Variants in TMPRSS11D observed in about 807,000 individuals in gnomAD.
The protein encoded by TMPRSS11D is transmembrane serine protease 11D.
Under a neutral mutation model 44.4 loss-of-function variants are expected in TMPRSS11D, and 32 were observed. That is an observed-to-expected ratio of 0.72 (90% CI 0.54 to 0.97). The LOEUF (loss-of-function observed/expected upper bound fraction) is 0.97. Among genes scored for constraint, TMPRSS11D ranks in the 50% least tolerant of loss-of-function variants. The pLI is 0.00. For missense variants in TMPRSS11D, 446 were observed against 502.6 expected (o/e 0.89, Z 1.08); for synonymous variants, 179 against 177.9 (o/e 1.01, Z -0.05).
intron 5 of TMPRSS11D, among the ~76,000 whole-genome samples, chr4:67,835,682 T>C (rs1560538956): frequency 6.6e-6 from 1 of 152,090 alleles, no homozygotes; most frequent in Non-Finnish European, 1.5e-5. Flanking sequence ...AGTAATTAAA[T>C]TATATGGAGG....
At chr4:67,848,008 A>C (rs563864067) in intron 3 of TMPRSS11D, among the ~76,000 whole-genome samples, 27 of 152,322 alleles carry the variant, frequency 1.8e-4, no homozygotes, top group African/African-American at 4.8e-4. Context: ...AGTAACAATC[A>C]ATTCTTGTTA....
intron 7 of TMPRSS11D, among the ~76,000 whole-genome samples, chr4:67,829,658 G>A (rs1428960938): frequency 6.6e-6 from 1 of 151,948 alleles, no homozygotes; most frequent in Non-Finnish European, 1.5e-5. Context: ...TATTTTAAAA[G>A]TCTGTAAACC....
chr4:67,874,445 G>A (rs1353840201), intron 1 of TMPRSS11D, among the ~76,000 whole-genome samples: 1 of 152,078 alleles, frequency 6.6e-6, no homozygotes, highest in Non-Finnish European at 1.5e-5. Context: ...GTCCCAAAGT[G>A]GTGAGAAATT....
Position 67,842,549 on chromosome 4 carries a change from TC to T in TMPRSS11D, c.317+8del. 7 of 1,611,230 alleles carry T rather than the reference TC, an allele frequency of 4.3e-6. No homozygotes were observed. The highest frequency in any genetic ancestry group is 5.9e-6 in the Non-Finnish European group (7 of 1,178,722). ...TATACTTAAATATTTTTTCTACAGT[TC>T]CACTCACCTCAGTTTGGCAACATGA... On this transcript the variant is annotated splice_region_variant and intron_variant, in intron 4 of 9. Coordinates refer to ENST00000283916, the MANE Select transcript of TMPRSS11D (RefSeq NM_004262.3).
intron 1 of TMPRSS11D, among the ~76,000 whole-genome samples, chr4:67,881,188 T>C (rs1475317398): frequency 1.3e-5 from 2 of 152,192 alleles, no homozygotes; most frequent in African/African-American, 4.8e-5. Flanking sequence ...CAGCAGTAAA[T>C]ATTGAATGAA....
intron 4 of TMPRSS11D, among the ~76,000 whole-genome samples, chr4:67,839,820 CT>C (rs551422861): frequency 1.5e-3 from 219 of 146,748 alleles, no homozygotes; most frequent in East Asian, 4.4e-3. Context: ...CTCCCAGAAC[CT>C]TTTTTTTTTT....
At chr4:67,880,678 C>T (rs987924035) in intron 1 of TMPRSS11D, among the ~76,000 whole-genome samples, 31 of 151,922 alleles carry the variant, frequency 2.0e-4, no homozygotes, top group Admixed American at 6.6e-5. Context: ...GTCACCCCAG[C>T]TGGAGTGCAG....
chr4:67,860,495 C>T (rs1718769458), intron 1 of TMPRSS11D: 1 of 151,934 alleles, frequency 6.6e-6, no homozygotes, highest in African/African-American at 2.4e-5. Flanking sequence ...TTAAGTGGGT[C>T]ATGTTACGTG....
Position 67,836,118 on chromosome 4 carries a change from C to T in TMPRSS11D, c.476-997G>A, listed in dbSNP as rs575857615. On this transcript the variant is annotated intron_variant, in intron 5 of 9. Coordinates refer to ENST00000283916, the MANE Select transcript of TMPRSS11D (RefSeq NM_004262.3). ...TCCTCCTTTCACATCTTATAATCTCCAGGTTCTGCACATCTGTCCTCTATC... is the reference window on the plus strand; with the variant it reads ...TCCTCCTTTCACATCTTATAATCTCTAGGTTCTGCACATCTGTCCTCTATC... 2.6e-5 allele frequency among the ~76,000 whole-genome samples: 4 copies of T among 152,164 alleles called. No homozygotes were observed. The East Asian group carries it at 7.7e-4, about 29-fold the overall frequency.
chr4:67,863,188 A>G (rs1045211730), intron 1 of TMPRSS11D, among the ~76,000 whole-genome samples: 6 of 151,462 alleles, frequency 4.0e-5, no homozygotes, highest in Non-Finnish European at 8.8e-5. Context: ...TAATTAATAC[A>G]TGTAAAAACT....
intron 1 of TMPRSS11D, among the ~76,000 whole-genome samples, chr4:67,878,785 G>A (rs911102904): frequency 3.9e-5 from 6 of 152,022 alleles, no homozygotes; most frequent in African/African-American, 1.4e-4. Context: ...TTGGCTGGGC[G>A]TGGTGGCACG....
chr4:67,855,631 G>C (rs1464188998), intron 2 of TMPRSS11D, among the ~76,000 whole-genome samples: 2 of 152,078 alleles, frequency 1.3e-5, no homozygotes, highest in Admixed American at 1.3e-4. Context: ...CTAAGAACTG[G>C]AACAAGACAA....
intron 7 of TMPRSS11D, among the ~76,000 whole-genome samples, chr4:67,827,793 T>C (rs1164032533): frequency 6.6e-6 from 1 of 152,142 alleles, no homozygotes; most frequent in African/African-American, 2.4e-5. Flanking sequence ...TCTGATACTT[T>C]AATGATAAGT....
chr4:67,824,560 G>T (rs1032557813), intron 9 of TMPRSS11D, among the ~76,000 whole-genome samples: 3 of 152,026 alleles, frequency 2.0e-5, no homozygotes, highest in African/African-American at 7.2e-5. Flanking sequence ...ATAAAGGACT[G>T]GGTAATTAAC....
chr4:67,878,678 C>T (rs1355520529), intron 1 of TMPRSS11D, among the ~76,000 whole-genome samples: 3 of 152,144 alleles, frequency 2.0e-5, no homozygotes, highest in Non-Finnish European at 4.4e-5. Flanking sequence ...GTAATCCCAG[C>T]ACTTTGGGAG....
intron 1 of TMPRSS11D, among the ~76,000 whole-genome samples, chr4:67,868,095 A>AATAT (rs923681603): frequency 2.0e-5 from 3 of 150,900 alleles, no homozygotes; most frequent in African/African-American, 7.4e-5. Context: ...TAGATAGAGA[A>AATAT]ATATATATAT....
rs552038618 is a variant in TMPRSS11D, at chr4:67,832,313, A to G, written c.692+891T>C. Among the ~76,000 whole-genome samples the G allele has an allele frequency of 5.2e-4, 79 of 152,224 alleles. 1 individual carries two copies. The South Asian group carries it at 0.015, about 29-fold the overall frequency. On this transcript the variant is annotated intron_variant, in intron 7 of 9. Coordinates refer to ENST00000283916, the MANE Select transcript of TMPRSS11D (RefSeq NM_004262.3). ...CAAATCTCCATTATTTTTCTGGGTG[A>G]ACTTTTTGAGTTAAGTTCCCAACAA... is the stretch of plus-strand genomic sequence containing the variant.
intron 1 of TMPRSS11D, among the ~76,000 whole-genome samples, chr4:67,878,124 A>G (rs1243392255): frequency 4.6e-5 from 7 of 152,210 alleles, no homozygotes; most frequent in Admixed American, 4.6e-4. Flanking sequence ...TTCTTAATAT[A>G]GTCTTCAAAA....
chr4:67,877,697 GAAAAT>G (rs1719226677), intron 1 of TMPRSS11D, among the ~76,000 whole-genome samples: 1 of 152,150 alleles, frequency 6.6e-6, no homozygotes, highest in African/African-American at 2.4e-5. Flanking sequence ...TGAAAAACCT[GAAAAT>G]TATACTTGAC....
Sources: gnomAD v4.1 joint callset for allele counts (sites outside exome capture counted in the v4.1 genomes callset) on GRCh38, gnomAD v4.1.1 for gene constraint, MANE v1.5 for transcripts, NCBI Gene and HGNC (gene_info 2026-07-23, HGNC 2026-07-21) for gene names.